NCOR2: variants seen among roughly 807,000 people sequenced by gnomAD.
NCOR2 encodes CTG repeat protein 26.
NCOR2 carries 81 observed loss-of-function variants against 262.9 expected under a neutral mutation model. That is an observed-to-expected ratio of 0.31 (90% CI 0.26 to 0.37). NCOR2 has a LOEUF of 0.37. Among genes scored for constraint, NCOR2 ranks in the 10% least tolerant of loss-of-function variants. The pLI, the probability that NCOR2 is intolerant of heterozygous loss-of-function variation, is 1.00. For synonymous variants in NCOR2, 1,659 were observed against 1,559.3 expected, an observed-to-expected ratio of 1.06 and a Z score of -1.51; for missense variants, 3,385 against 3,621.4, an observed-to-expected ratio of 0.93 and a Z score of 1.68.
In NCOR2 at chr12:124,432,098, G is replaced by A. The variant is rs2043988105; in HGVS notation, c.883-1311C>T. On this transcript the variant is annotated intron_variant, in intron 8 of 46. Coordinates refer to ENST00000405201, the Ensembl canonical transcript of NCOR2. The surrounding 1 kb of genome is among the most constrained non-coding windows in gnomAD (Gnocchi z 5.1). ...ACAGGCAGGCAGACACACACACACG[G>A]TCATCCAGGCAGACATATGACAGAC... Among the ~76,000 whole-genome samples the A allele has an allele frequency of 6.6e-6, 1 of 151,268 alleles. No individual in the cohort carries two copies. Among genetic ancestry groups the A allele is most frequent in the African/African-American group, 2.4e-5 (1 of 41,074 alleles).
chr12:124,466,097 C>A, intron 5 of NCOR2, 76 bp downstream of exon 7: 2 of 1,359,632 alleles, frequency 1.5e-6, no homozygotes, highest in Non-Finnish European at 2.0e-6. Context: ...AACACTGAGG[C>A]CTGATTCATG....
In NCOR2 at chr12:124,517,355, T is replaced by TC. The variant is rs927836354; in HGVS notation, c.-118+18209dup. Among the ~76,000 whole-genome samples, 4 of 151,950 alleles carry TC rather than the reference T, an allele frequency of 2.6e-5. No homozygotes were observed. Among genetic ancestry groups the TC allele is most frequent in the South Asian group, 2.1e-4 (1 of 4,782 alleles). ...GACCTCAGGACAAATCACTCCCTCATCCCCCCGGTTTGCAACTAAAGGCTC... is the reference window on the plus strand; with the variant it reads ...GACCTCAGGACAAATCACTCCCTCATCCCCCCCGGTTTGCAACTAAAGGCTC... On this transcript the variant is annotated intron_variant, in intron 1 of 46. Transcript: ENST00000404621. This position sits in a 1 kb window ranked among gnomAD's most constrained non-coding sequence, Gnocchi z 7.6.
At chr12:124,537,565 C>T (rs1283682406), upstream of NCOR2, among the ~76,000 whole-genome samples, 1 of 152,242 alleles carries the variant, frequency 6.6e-6, no homozygotes, top group Non-Finnish European at 1.5e-5. Context: ...TGGAAACGAT[C>T]ATTTTAAAAA....
At chr12:124,426,554 G>T in intron 11 of NCOR2, 68 bp downstream of exon 13, 1 of 1,413,176 alleles carries the variant, frequency 7.1e-7, no homozygotes, top group South Asian at 1.7e-5. Context: ...GCTGCCGGGA[G>T]ACAGCGCAGG....
At chr12:124,473,501 T>C (rs1044400632) in intron 3 of NCOR2, among the ~76,000 whole-genome samples, 6 of 152,226 alleles carry the variant, frequency 3.9e-5, no homozygotes, top group Non-Finnish European at 7.3e-5. Flanking sequence ...ACTGGCTTCC[T>C]TGCTTCTCAG....
At chr12:124,335,235 C>G in exon 40 of NCOR2, 1 of 1,609,728 alleles carries the variant, frequency 6.2e-7, no homozygotes, top group Non-Finnish European at 8.5e-7. Context: ...AGGCAGCGGC[C>G]GCAGGTGTGG....
At chr12:124,564,158 G>T (rs1239584317) in intron 1 of NCOR2, among the ~76,000 whole-genome samples, 2 of 152,258 alleles carry the variant, frequency 1.3e-5, no homozygotes, top group Non-Finnish European at 2.9e-5. Context: ...CATGGAGGCT[G>T]AGAGTTCGCC....
intron 14 of NCOR2, among the ~76,000 whole-genome samples, chr12:124,401,075 G>A (rs114983674): frequency 0.013 from 2,038 of 152,246 alleles, 33 homozygotes; most frequent in African/African-American, 0.037. Context: ...GCCAGGCGTG[G>A]TGGCATATGC....
rs1296269192 is a variant in NCOR2 at position 124,548,550 on chromosome 12, G to A, written c.-164-12939C>T. On this transcript the variant is annotated intron_variant, in intron 1 of 32. Transcript: ENST00000458234. This position sits in a 1 kb window ranked among gnomAD's most constrained non-coding sequence, Gnocchi z 5.1. ...CATTATTATTGATATGAAAACAGAG[G>A]GTCTCGATGGCAATGCTGTTCCCCC... Among the ~76,000 whole-genome samples, 1 of 152,060 alleles carries A rather than the reference G, an allele frequency of 6.6e-6. No individual in the cohort carries two copies. Among genetic ancestry groups the A allele is most frequent in the Admixed American group, 6.5e-5 (1 of 15,274 alleles).
intron 22 of NCOR2, among the ~76,000 whole-genome samples, chr12:124,361,862 A>G (rs563965054): frequency 2.6e-5 from 4 of 152,354 alleles, no homozygotes; most frequent in Admixed American, 6.5e-5. Context: ...TGCTGGAAGA[A>G]CCACCCCAGG....
chr12:124,494,137 T>C (rs902944623), intron 1 of NCOR2, among the ~76,000 whole-genome samples: 2 of 152,164 alleles, frequency 1.3e-5, no homozygotes, highest in African/African-American at 4.8e-5. Flanking sequence ...ATGCAAAACC[T>C]TCTGCTCACT....
chr12:124,354,876 T>A (rs1566386442), exon 25 of NCOR2: 1 of 1,612,178 alleles, frequency 6.2e-7, no homozygotes, highest in Non-Finnish European at 8.5e-7. Context: ...AGCCCCATGG[T>A]GACAGGGCCC....
rs141569169 is a variant in NCOR2 at position 124,523,388 on chromosome 12, G to A, written c.-118+12177C>T. On this transcript the variant is annotated intron_variant, in intron 1 of 46. Coordinates refer to the NCOR2 transcript ENST00000404621. The surrounding 1 kb of genome is among the most constrained non-coding windows in gnomAD (Gnocchi z 4.0). ...CCCACACCCCGGTGGCAGGGGCAGC[G>A]GCAGAGGAAAGAGGAGTGCCCAGGA... Among the ~76,000 whole-genome samples the A allele has an allele frequency of 2.3e-3, 356 of 152,212 alleles. No homozygotes were observed. The highest frequency in any genetic ancestry group is 4.2e-3 in the Non-Finnish European group (286 of 68,006).
At chr12:124,340,361 ATCCCGGTCCCGC>A (rs2036359027) in exon 36 of NCOR2, 1 of 1,612,818 alleles carries the variant, frequency 6.2e-7, no homozygotes, top group Non-Finnish European at 8.5e-7. Flanking sequence ...CCCGCTCCCG[ATCCCGGTCCCGC>A]TCTCGATCCC....
At chr12:124,341,777 G>A (rs2036483062) in intron 34 of NCOR2, 46 bp downstream of exon 36, 2 of 1,560,404 alleles carry the variant, frequency 1.3e-6, no homozygotes. Context: ...CATGTCCTTT[G>A]GGAATAAGGC....
At chr12:124,530,901 G>A (rs920603933) in intron 1 of NCOR2, among the ~76,000 whole-genome samples, 1 of 152,212 alleles carries the variant, frequency 6.6e-6, no homozygotes, top group African/African-American at 2.4e-5. Flanking sequence ...AGCTGGCCAG[G>A]ATTCTTGTAA....
chr12:124,371,509 C>T (rs1386901195), intron 20 of NCOR2, among the ~76,000 whole-genome samples: 2 of 152,240 alleles, frequency 1.3e-5, no homozygotes, highest in Non-Finnish European at 2.9e-5. Flanking sequence ...CACAGAGATG[C>T]ACAGGGCGAA....
intron 21 of NCOR2, among the ~76,000 whole-genome samples, chr12:124,362,577 C>T (rs1268365059): frequency 6.6e-6 from 1 of 150,442 alleles, no homozygotes; most frequent in African/African-American, 2.4e-5. Flanking sequence ...GGGAACCCAC[C>T]TCCCCAGACA....
Position 124,374,394 on chromosome 12 carries a change from C to T in NCOR2, c.2218+19G>A, listed in dbSNP as rs764430493. 1.2e-6 allele frequency: 2 copies of T among 1,611,966 alleles called. No individual in the cohort carries two copies. The highest frequency in any genetic ancestry group is 1.7e-6 in the Non-Finnish European group (2 of 1,179,278). On this transcript the variant is annotated intron_variant, in intron 19 of 46. Coordinates refer to ENST00000405201, the Ensembl canonical transcript of NCOR2. Reference sequence around the variant, plus strand: ...CCCGGCCCGGCCCTACCCCCCAGGCCAGCCGGCCACATTCGTACCTGGGCC... The same window carrying T: ...CCCGGCCCGGCCCTACCCCCCAGGCTAGCCGGCCACATTCGTACCTGGGCC...
Sources: allele counts gnomAD v4.1 joint callset (sites outside exome capture counted in the v4.1 genomes callset), GRCh38; gene constraint gnomAD v4.1.1; non-coding constraint Gnocchi (gnomAD v3.1); transcripts MANE v1.5; gene names NCBI Gene and HGNC (gene_info 2026-07-23, HGNC 2026-07-21).